Variants in SNTG2 observed in about 807,000 individuals in gnomAD.
SNTG2 encodes the protein syntrophin gamma 2, also known as gamma-2-syntrophin.
Under a neutral mutation model 70.9 loss-of-function variants are expected in SNTG2, and 74 were observed. The observed-to-expected ratio is 1.04, with a 90% CI of 0.86 to 1.27. SNTG2 has a LOEUF of 1.27. Ranked by LOEUF, SNTG2 falls within the 50% of genes most tolerant of loss-of-function variation. The pLI is 0.00. For missense variants in SNTG2, 717 were observed against 690.7 expected (o/e 1.04, Z -0.43); for synonymous variants, 278 against 273.8 (o/e 1.02, Z -0.15).
At chr2:1,177,750 A>G (rs1045839161) in intron 8 of SNTG2, among the ~76,000 whole-genome samples, 14 of 152,094 alleles carry the variant, frequency 9.2e-5, no homozygotes, top group Admixed American at 5.9e-4. Context: ...ATTTTTTTTG[A>G]AAAGGAAACT....
chr2:1,262,005 G>C (rs559302141), intron 13 of SNTG2, among the ~76,000 whole-genome samples: 9 of 152,214 alleles, frequency 5.9e-5, no homozygotes, highest in South Asian at 2.1e-4. Context: ...TGTTCTCCAC[G>C]GATCTTCGGG....
At chr2:1,068,879 C>T (rs1663333215) in intron 1 of SNTG2, among the ~76,000 whole-genome samples, 1 of 152,214 alleles carries the variant, frequency 6.6e-6, no homozygotes, top group Admixed American at 6.5e-5. Context: ...AGAAATGTCA[C>T]TTATGCGCCA....
rs1205824664 is a variant in SNTG2, at chr2:1,222,087, C to CTCTCTCTG, written c.719+12865_719+12872dup. Among the ~76,000 whole-genome samples, 22 of 19,156 alleles carry CTCTCTCTG rather than the reference C, an allele frequency of 1.1e-3. 4 individuals carry two copies. Among genetic ancestry groups the CTCTCTCTG allele is most frequent in the Non-Finnish European group, 1.9e-3 (15 of 7,838 alleles). The allele number at this position is 19,156 out of a possible 152,430, so 12.6% of individuals were successfully genotyped here. ...TGTTTCTCTCTGTCTCTGTCTCTGT[C>CTCTCTCTG]TCTCTCTGTCTCTCTCTGTCTCTCT... On this transcript the variant is annotated intron_variant, in intron 9 of 16. Transcript: ENST00000308624.
At chr2:1,295,059 G>A (rs1680145337) in intron 14 of SNTG2, among the ~76,000 whole-genome samples, 1 of 152,218 alleles carries the variant, frequency 6.6e-6, no homozygotes, top group Non-Finnish European at 1.5e-5. Flanking sequence ...TGTGCGCATG[G>A]AGTGCTGGGG....
chr2:1,237,733 C>T (rs1003761053), intron 9 of SNTG2, among the ~76,000 whole-genome samples, 155 bp from the exon 10 acceptor site: 2 of 152,340 alleles, frequency 1.3e-5, no homozygotes, highest in South Asian at 2.1e-4. Context: ...TCTCAGCGAG[C>T]CTGCTGACTG....
Position 1,093,149 on chromosome 2 carries a change from C to A in SNTG2, c.211-5047C>A, listed in dbSNP as rs182475987. ...GAACGCATGGAATAGGGGAGTCAGG[C>A]CATAAATTAGATTCATAATGAGCCT... is the stretch of plus-strand genomic sequence containing the variant. On this transcript the variant is annotated intron_variant, in intron 2 of 16. Coordinates refer to ENST00000308624, the MANE Select transcript of SNTG2 (RefSeq NM_018968.4). Among the ~76,000 whole-genome samples, 12 of 152,232 alleles carry A rather than the reference C, an allele frequency of 7.9e-5. No individual in the cohort carries two copies. The East Asian group carries it at 2.3e-3, about 29-fold the overall frequency.
chr2:1,217,038 A>G (rs1674440032), intron 9 of SNTG2, among the ~76,000 whole-genome samples: 1 of 152,008 alleles, frequency 6.6e-6, no homozygotes, highest in Admixed American at 6.6e-5. Flanking sequence ...CCATTCCACC[A>G]TGTGCCGACA....
intron 1 of SNTG2, among the ~76,000 whole-genome samples, chr2:1,071,824 G>A (rs1484206447): frequency 6.6e-6 from 1 of 152,126 alleles, no homozygotes; most frequent in Non-Finnish European, 1.5e-5. Flanking sequence ...TGATAAGAAA[G>A]TGAAAATAGT....
intron 1 of SNTG2, among the ~76,000 whole-genome samples, chr2:1,032,039 A>G (rs909852865): frequency 2.0e-5 from 3 of 152,234 alleles, no homozygotes; most frequent in African/African-American, 7.2e-5. Context: ...TGTGAATTAT[A>G]TATAATTAAA....
At chr2:1,168,677 A>G (rs1670917477) in intron 7 of SNTG2, among the ~76,000 whole-genome samples, 1 of 152,162 alleles carries the variant, frequency 6.6e-6, no homozygotes, top group Non-Finnish European at 1.5e-5. Flanking sequence ...GCTATTCACA[A>G]TCTTAGGAAA....
chr2:1,226,416 G>A (rs114661417), intron 9 of SNTG2, among the ~76,000 whole-genome samples: 1,586 of 152,252 alleles, frequency 0.01, 28 homozygotes, highest in African/African-American at 0.036. Context: ...GGGTGGGGCC[G>A]TGCCACGCTC....
chr2:1,101,663 C>G (rs1665789130), intron 4 of SNTG2, among the ~76,000 whole-genome samples: 1 of 152,130 alleles, frequency 6.6e-6, no homozygotes, highest in African/African-American at 2.4e-5. Flanking sequence ...TACCCTCTAC[C>G]CCACGGAGCA....
chr2:1,059,321 G>A (rs1374872318), intron 1 of SNTG2: 1 of 151,352 alleles, frequency 6.6e-6, no homozygotes, highest in Non-Finnish European at 1.5e-5. Flanking sequence ...AATATCACAG[G>A]TCCTTCTCCT....
At chr2:1,221,464 T>C (rs1429065616) in intron 9 of SNTG2, among the ~76,000 whole-genome samples, 2 of 100,002 alleles carry the variant, frequency 2.0e-5, no homozygotes, top group African/African-American at 1.0e-4. Flanking sequence ...TCTCTGTCTC[T>C]GTCTCTCTGT....
intron 6 of SNTG2, 110 bp from the exon 7 acceptor site, chr2:1,165,438 T>TTTGAATTCTTTGAATTCTTGGGA: frequency 9.5e-7 from 1 of 1,055,928 alleles, no homozygotes; most frequent in Non-Finnish European, 1.4e-6. Context: ...CAGAGGTAAC[T>TTTGAATTCTTTGAATTCTTGGGA]ATGAACTTTG....
rs548894555 is a variant in SNTG2 at position 1,081,113 on chromosome 2, C to T, written c.73-2405C>T. On this transcript the variant is annotated intron_variant, in intron 1 of 16. Transcript: ENST00000308624. ...CAGGTTGACTTTCCGCAGGCCACGG[C>T]GTCCTGAGGAAGCCCCATCGCTCAG... is the stretch of plus-strand genomic sequence containing the variant. Among the ~76,000 whole-genome samples the T allele has an allele frequency of 1.4e-3, 215 of 152,286 alleles. 3 individuals carry two copies. The highest frequency in any genetic ancestry group is 0.012 in the South Asian group (58 of 4,820).
At chr2:1,257,357 G>A (rs937183746) in intron 12 of SNTG2, among the ~76,000 whole-genome samples, 3 of 152,154 alleles carry the variant, frequency 2.0e-5, no homozygotes, top group Non-Finnish European at 2.9e-5. Context: ...CTGGGCTGTG[G>A]GCAAGGTCAT....
intron 9 of SNTG2, among the ~76,000 whole-genome samples, chr2:1,229,622 G>A (rs913155684): frequency 1.3e-5 from 2 of 152,198 alleles, no homozygotes; most frequent in African/African-American, 4.8e-5. Context: ...TTGGGTGGTC[G>A]ATGGAACTGG....
intron 8 of SNTG2, among the ~76,000 whole-genome samples, chr2:1,175,952 TC>T: frequency 6.6e-6 from 1 of 152,174 alleles, no homozygotes; most frequent in Non-Finnish European, 1.5e-5. Flanking sequence ...TTCTCCCAGT[TC>T]TCCTGGTTCT....
Sources: allele counts gnomAD v4.1 joint callset (sites outside exome capture counted in the v4.1 genomes callset), GRCh38; gene constraint gnomAD v4.1.1; transcripts MANE v1.5; gene names NCBI Gene and HGNC (gene_info 2026-07-23, HGNC 2026-07-21).